Variants in CREB3L2 observed in about 807,000 individuals in gnomAD.
CREB3L2 encodes cAMP responsive element binding protein 3 like 2.
CREB3L2 carries 23 observed loss-of-function variants against 57.2 expected under a neutral mutation model. The ratio of observed to expected loss-of-function variants is 0.40; its 90% CI spans 0.29 to 0.57. CREB3L2 has a LOEUF of 0.57. Ranked by LOEUF, CREB3L2 falls within the 20% of genes least tolerant of loss-of-function variation. CREB3L2 has a pLI of 0.42. For missense variants in CREB3L2, 628 were observed against 634.7 expected (o/e 0.99, Z 0.11); for synonymous variants, 268 against 265.1 (o/e 1.01, Z -0.11).
chr7:137,927,153 T>C (rs1210200761), intron 2 of CREB3L2, among the ~76,000 whole-genome samples: 2 of 149,028 alleles, frequency 1.3e-5, no homozygotes, highest in East Asian at 2.0e-4. Flanking sequence ...AGCAAGACCC[T>C]GTCTAAAAAA....
At chr7:137,963,863 A>T (rs945921876) in intron 1 of CREB3L2, among the ~76,000 whole-genome samples, 1 of 152,046 alleles carries the variant, frequency 6.6e-6, no homozygotes, top group African/African-American at 2.4e-5. Flanking sequence ...TATTTTGTTC[A>T]ATGTTAGGAT....
chr7:137,913,025 T>C lies in CREB3L2; in HGVS notation c.549A>G (p.Glu183=). 6.2e-7 allele frequency: 1 copy of C among 1,614,086 alleles called. No homozygotes were observed. The highest frequency in any genetic ancestry group is 8.5e-7 in the Non-Finnish European group (1 of 1,179,978). Residue 183 remains glutamate (E), a synonymous_variant, in exon 4 of 12, where the codon GAA becomes GAG. Coordinates refer to ENST00000330387, the MANE Select transcript of CREB3L2 (RefSeq NM_194071.4). ...IIPKIKLEPH[E]VDQFLNFSPK... ...GAGAGAAGTTTAGAAACTGATCCAC[T>C]TCATGAGGCTCCAGCTTAATTTTAG...
chr7:137,900,995 A>C (rs1331910254), intron 8 of CREB3L2, among the ~76,000 whole-genome samples: 3 of 152,106 alleles, frequency 2.0e-5, no homozygotes, highest in Non-Finnish European at 4.4e-5. Context: ...CCCCCTAGTC[A>C]TAGTCCTTGT....
intron 11 of CREB3L2, among the ~76,000 whole-genome samples, chr7:137,882,191 G>C (rs1284964085): frequency 6.6e-6 from 1 of 152,178 alleles, no homozygotes; most frequent in Non-Finnish European, 1.5e-5. Context: ...TGATGCAGCA[G>C]ACATAGGGGA....
chr7:137,935,721 T>C (rs939167788), intron 1 of CREB3L2: 4 of 152,160 alleles, frequency 2.6e-5, no homozygotes, highest in East Asian at 3.9e-4. Flanking sequence ...CCTAACGAAA[T>C]AGAAGATAAA....
intron 8 of CREB3L2, among the ~76,000 whole-genome samples, 187 bp downstream of exon 8, chr7:137,901,167 C>T (rs546426818): frequency 1.1e-4 from 17 of 152,138 alleles, no homozygotes; most frequent in Non-Finnish European, 2.5e-4. Flanking sequence ...AAGAGTAGCA[C>T]GTGTGCATGC....
rs536112913 is a variant in CREB3L2, at chr7:137,975,837, T to C, written c.102+25767A>G. On this transcript the variant is annotated intron_variant, in intron 1 of 11. Coordinates refer to ENST00000330387, the MANE Select transcript of CREB3L2 (RefSeq NM_194071.4). ...CTTTTAGGAAAACGGTTTTAAACTA[T>C]ATTCATTCTCTGGAATTCAAAGTAG... 4.3e-4 allele frequency among the ~76,000 whole-genome samples: 65 copies of C among 152,384 alleles called. 3 individuals carry two copies. The South Asian group carries it at 0.013, about 32-fold the overall frequency.
chr7:137,961,663 C>G (rs577177594), intron 1 of CREB3L2, among the ~76,000 whole-genome samples: 72 of 152,290 alleles, frequency 4.7e-4, no homozygotes, highest in Non-Finnish European at 6.3e-4. Context: ...AGTCCTCTAT[C>G]TTTCTCTCAG....
Position 138,001,543 on chromosome 7 carries a change from C to T in CREB3L2, c.102+61G>A, listed in dbSNP as rs1802076730. The T allele has an allele frequency of 2.3e-6, 3 of 1,316,920 alleles. No homozygotes were observed. The highest frequency in any genetic ancestry group is 2.6e-5 in the South Asian group (2 of 76,712). 81.6% of individuals were successfully genotyped at this position (1,316,920 alleles called of 1,614,324 possible). On this transcript the variant is annotated intron_variant, in intron 1 of 11. Coordinates refer to ENST00000330387, the MANE Select transcript of CREB3L2 (RefSeq NM_194071.4). This position sits in a 1 kb window ranked among gnomAD's most constrained non-coding sequence, Gnocchi z 4.2. ...CCCGGGTCCCAGGACTCCAGCTGCTCCTCGCGTGACAACACTTGCCCGCTT... is the reference window on the plus strand; with the variant it reads ...CCCGGGTCCCAGGACTCCAGCTGCTTCTCGCGTGACAACACTTGCCCGCTT...
intron 1 of CREB3L2, among the ~76,000 whole-genome samples, chr7:137,959,272 C>A (rs1801276517): frequency 6.6e-6 from 1 of 152,232 alleles, no homozygotes; most frequent in South Asian, 2.1e-4. Context: ...CCCCAAGAGT[C>A]TTTGGCACTT....
intron 6 of CREB3L2, among the ~76,000 whole-genome samples, chr7:137,905,283 T>TA (rs1272232243): frequency 6.7e-6 from 1 of 148,464 alleles, no homozygotes; most frequent in African/African-American, 2.5e-5. Context: ...CTTATATATA[T>TA]ATAATATATA....
chr7:137,903,919 A>G (rs1585609243), intron 7 of CREB3L2, 40 bp downstream of exon 7: 1 of 1,547,374 alleles, frequency 6.5e-7, no homozygotes, highest in African/African-American at 1.4e-5. Context: ...TTCCCTGTGC[A>G]TACTGCCCGA....
chr7:137,933,152 A>G (rs1424789062), intron 1 of CREB3L2, among the ~76,000 whole-genome samples: 1 of 152,214 alleles, frequency 6.6e-6, no homozygotes, highest in African/African-American at 2.4e-5. Flanking sequence ...CTATTCTACA[A>G]CTGTTTGACA....
At chr7:137,939,238 A>C (rs1800842354) in intron 1 of CREB3L2, among the ~76,000 whole-genome samples, 1 of 152,116 alleles carries the variant, frequency 6.6e-6, no homozygotes, top group Non-Finnish European at 1.5e-5. Context: ...GCACACCATG[A>C]CTGTATCTGA....
At chr7:137,893,592 G>C (rs1181683764) in intron 8 of CREB3L2, among the ~76,000 whole-genome samples, 1 of 151,910 alleles carries the variant, frequency 6.6e-6, no homozygotes, top group Non-Finnish European at 1.5e-5. Flanking sequence ...AGTGCAAACA[G>C]ACACAGCTGT....
intron 2 of CREB3L2, among the ~76,000 whole-genome samples, chr7:137,923,157 G>A (rs1464886527): frequency 1.3e-5 from 2 of 152,242 alleles, no homozygotes; most frequent in East Asian, 3.9e-4. Flanking sequence ...GAGAAGTTAT[G>A]ACTCTCATGT....
At chr7:137,969,053 T>C (rs1022220247) in intron 1 of CREB3L2, among the ~76,000 whole-genome samples, 3 of 152,158 alleles carry the variant, frequency 2.0e-5, no homozygotes, top group African/African-American at 2.4e-5. Context: ...GTGAGGACAC[T>C]GTGGGGCTGC....
At chr7:137,936,692 C>G (rs1046563088) in intron 1 of CREB3L2, among the ~76,000 whole-genome samples, 1 of 152,168 alleles carries the variant, frequency 6.6e-6, no homozygotes, top group African/African-American at 2.4e-5. Context: ...GGAGGCTGAC[C>G]CGCCCCTGAA....
intron 1 of CREB3L2, chr7:137,999,856 G>C (rs1802047645): frequency 6.6e-6 from 1 of 152,158 alleles, no homozygotes; most frequent in Non-Finnish European, 1.5e-5. Flanking sequence ...AGAAATAAAA[G>C]AAAAATAATC....
Sources: allele counts gnomAD v4.1 joint callset (sites outside exome capture counted in the v4.1 genomes callset), GRCh38; gene constraint gnomAD v4.1.1; non-coding constraint Gnocchi (gnomAD v3.1); transcripts MANE v1.5; gene names NCBI Gene and HGNC (gene_info 2026-07-23, HGNC 2026-07-21).